The following UBE2E1 variants were observed in gnomAD, a reference collection of about 807,000 sequenced individuals.
UBE2E1 encodes the protein ubiquitin-conjugating enzyme E2 E1.
A neutral mutation model predicts 21.4 loss-of-function variants in UBE2E1; 6 were observed. The ratio of observed to expected loss-of-function variants is 0.28; its 90% CI spans 0.15 to 0.55. The LOEUF (loss-of-function observed/expected upper bound fraction) is 0.55, where lower values mean the gene tolerates loss of function less well. UBE2E1 is among the 20% of genes least tolerant of loss of function. The probability of loss-of-function intolerance (pLI) is 0.93; values close to 1 mark genes in which losing one functional copy is unlikely to be tolerated. For synonymous variants in UBE2E1, 87 were observed against 82.7 expected, an observed-to-expected ratio of 1.05 and a Z score of -0.28; for missense variants, 142 against 236.5, an observed-to-expected ratio of 0.60 and a Z score of 2.62.
Position 23,838,703 on chromosome 3 carries a change from G to T in UBE2E1, c.203+27193G>T, listed in dbSNP as rs1262828061. ...GTAGAAATGGAGTTTCACCATGTTG[G>T]CCAGGCTGTTCGCAAACTCCTGAGC... On this transcript the variant is annotated intron_variant, in intron 3 of 5. Coordinates refer to ENST00000306627, the MANE Select transcript of UBE2E1 (RefSeq NM_003341.5). Among the ~76,000 whole-genome samples, 4 of 151,992 alleles carry T rather than the reference G, an allele frequency of 2.6e-5. No homozygotes were observed. In the East Asian group the frequency reaches 7.7e-4, roughly 29 times the overall value.
At chr3:23,890,338 T>C (rs994905026) in intron 5 of UBE2E1, among the ~76,000 whole-genome samples, 171 bp from the exon 6 acceptor site, 6 of 152,234 alleles carry the variant, frequency 3.9e-5, no homozygotes, top group South Asian at 2.1e-4. Flanking sequence ...CCCAACGTTA[T>C]GTTTTTTTGA....
intron 3 of UBE2E1, among the ~76,000 whole-genome samples, chr3:23,880,762 G>A (rs537667367): frequency 2.4e-4 from 36 of 152,290 alleles, no homozygotes; most frequent in African/African-American, 7.2e-4. Flanking sequence ...AAGAAAACAT[G>A]AATGTTACTT....
In UBE2E1 at chr3:23,870,677, TTTTTA is replaced by T. The variant is rs925884259; in HGVS notation, c.204-16872_204-16868del. Among the ~76,000 whole-genome samples the T allele has an allele frequency of 2.3e-4, 16 of 70,302 alleles. No individual in the cohort carries two copies. The highest frequency in any genetic ancestry group is 1.9e-3 in the Admixed American group (12 of 6,288). The allele number at this position is 70,302 out of a possible 152,430, so 46.1% of individuals were successfully genotyped here. A position where few individuals can be genotyped will look rare whatever the true frequency, so the allele number is the denominator to read the frequency against. On this transcript the variant is annotated intron_variant, in intron 3 of 5. Coordinates refer to ENST00000306627, the MANE Select transcript of UBE2E1 (RefSeq NM_003341.5). This position sits in a 1 kb window ranked among gnomAD's most constrained non-coding sequence, Gnocchi z 4.2. ...CTTCAAGTTCCTATTTAAAATTCTT[TTTTTA>T]TTTTATTTTATTTTATTGATCATTC...
intron 3 of UBE2E1, among the ~76,000 whole-genome samples, chr3:23,834,298 C>A (rs1368314130): frequency 1.3e-5 from 2 of 152,196 alleles, no homozygotes; most frequent in Non-Finnish European, 2.9e-5. Flanking sequence ...GCTTTATTTT[C>A]TCATCTATAA....
In UBE2E1 at chr3:23,887,259, T is replaced by C. The variant is rs550985595; in HGVS notation, c.204-308T>C. ...TTCGCTTCTAGGTGCTGAGATGTGTTTCCCATTTTAAGTATTGTTTACACT... is the reference window on the plus strand; with the variant it reads ...TTCGCTTCTAGGTGCTGAGATGTGTCTCCCATTTTAAGTATTGTTTACACT... On this transcript the variant is annotated intron_variant, in intron 3 of 5. Transcript: ENST00000306627. The surrounding 1 kb of genome is among the most constrained non-coding windows in gnomAD (Gnocchi z 4.4). Among the ~76,000 whole-genome samples, 1 of 152,332 alleles carries C rather than the reference T, an allele frequency of 6.6e-6. No homozygotes were observed. Among genetic ancestry groups the C allele is most frequent in the South Asian group, 2.1e-4 (1 of 4,828 alleles).
rs748643952 is a variant in UBE2E1 at position 23,807,392 on chromosome 3, C to T, written c.123C>T (p.Asn41=). ...KKESKVSMSK[N]SKLLSTSAKR... is the part of the protein sequence containing the mutation. ...AGAGTAAAGTCAGCATGAGCAAAAA[C>T]TCCAAACTCCTCTCCACCAGCGCCA... is the stretch of plus-strand genomic sequence containing the variant. Residue 41 remains asparagine (N), a synonymous_variant, in exon 2 of 6, where the codon AAC becomes AAT. Coordinates refer to ENST00000306627, the MANE Select transcript of UBE2E1 (RefSeq NM_003341.5). The T allele has an allele frequency of 6.2e-7, 1 of 1,613,516 alleles. No individual in the cohort carries two copies. The highest frequency in any genetic ancestry group is 1.3e-5 in the African/African-American group (1 of 74,822).
chr3:23,876,196 C>T lies in UBE2E1; in HGVS notation c.204-11371C>T, dbSNP rs189954827. Among the ~76,000 whole-genome samples, 1 of 152,210 alleles carries T rather than the reference C, an allele frequency of 6.6e-6. No individual in the cohort carries two copies. Among genetic ancestry groups the T allele is most frequent in the Non-Finnish European group, 1.5e-5 (1 of 68,046 alleles). On this transcript the variant is annotated intron_variant, in intron 3 of 5. Coordinates refer to ENST00000306627, the MANE Select transcript of UBE2E1 (RefSeq NM_003341.5). This position sits in a 1 kb window ranked among gnomAD's most constrained non-coding sequence, Gnocchi z 4.3. ...GGTACATTCCTCACAGTACCAGAGCCTCTTCCTTTCCTCTTCCCCTCACCT... is the reference window on the plus strand; with the variant it reads ...GGTACATTCCTCACAGTACCAGAGCTTCTTCCTTTCCTCTTCCCCTCACCT...
At chr3:23,831,128 C>A (rs892097144) in intron 3 of UBE2E1, among the ~76,000 whole-genome samples, 63 of 152,118 alleles carry the variant, frequency 4.1e-4, no homozygotes, top group Non-Finnish European at 7.2e-4. Context: ...TAACAGCAGT[C>A]TAATTAATTC....
chr3:23,806,704 C>A lies in UBE2E1; in HGVS notation c.-33-533C>A, dbSNP rs1699281781. On this transcript the variant is annotated intron_variant, in intron 1 of 5. Transcript: ENST00000306627. The surrounding 1 kb of genome is among the most constrained non-coding windows in gnomAD (Gnocchi z 6.5). ...CCCCGCCGGCCTCTCCCTTCCCCCACCCGGGCACCCGCTCCCCGCCTCCGT... is the reference window on the plus strand; with the variant it reads ...CCCCGCCGGCCTCTCCCTTCCCCCAACCGGGCACCCGCTCCCCGCCTCCGT... The A allele has an allele frequency of 6.6e-6, 1 of 151,508 alleles. No homozygotes were observed. The highest frequency in any genetic ancestry group is 1.5e-5 in the Non-Finnish European group (1 of 67,794). The allele number at this position is 151,508 out of a possible 1,614,324, so 9.4% of individuals were successfully genotyped here. A position where few individuals can be genotyped will look rare whatever the true frequency, so the allele number is the denominator to read the frequency against.
At chr3:23,818,678 T>G (rs1699579142) in intron 3 of UBE2E1, among the ~76,000 whole-genome samples, 1 of 152,202 alleles carries the variant, frequency 6.6e-6, no homozygotes, top group Non-Finnish European at 1.5e-5. Flanking sequence ...GAATCTGAGG[T>G]GGCCTGACGG....
At chr3:23,825,170 TTCAGGCCTGCATGGTTG>T (rs1347781648) in intron 3 of UBE2E1, among the ~76,000 whole-genome samples, 6 of 152,210 alleles carry the variant, frequency 3.9e-5, no homozygotes, top group Admixed American at 1.3e-4. Flanking sequence ...TGCAAGTGTA[TTCAGGCCTGCATGGTTG>T]TCAGTGACTC....
At chr3:23,865,681 CTGTT>C (rs1225740778) in intron 3 of UBE2E1, among the ~76,000 whole-genome samples, 1 of 152,190 alleles carries the variant, frequency 6.6e-6, no homozygotes, top group African/African-American at 2.4e-5. Context: ...GCACCCTTCT[CTGTT>C]TGGGGATAAT....
intron 3 of UBE2E1, among the ~76,000 whole-genome samples, chr3:23,847,452 A>G (rs535902246): frequency 6.6e-6 from 1 of 151,652 alleles, no homozygotes; most frequent in South Asian, 2.1e-4. Context: ...AGTTTTAAAA[A>G]TATATTTCAT....
intron 3 of UBE2E1, among the ~76,000 whole-genome samples, chr3:23,840,793 A>G (rs912194579): frequency 6.6e-6 from 1 of 152,126 alleles, no homozygotes; most frequent in Non-Finnish European, 1.5e-5. Flanking sequence ...GTCTCTGTGC[A>G]GCTCTGGTAC....
At chr3:23,855,612 G>A (rs1287475658) in intron 3 of UBE2E1, among the ~76,000 whole-genome samples, 2 of 152,000 alleles carry the variant, frequency 1.3e-5, no homozygotes, top group Admixed American at 6.6e-5. Flanking sequence ...GGCGGATCAC[G>A]AGGTCAGGAG....
At chr3:23,829,037 G>T (rs1290066406) in intron 3 of UBE2E1, among the ~76,000 whole-genome samples, 1 of 152,078 alleles carries the variant, frequency 6.6e-6, no homozygotes, top group Non-Finnish European at 1.5e-5. Context: ...CTAGAGGGGG[G>T]TGGCAGTTGC....
intron 3 of UBE2E1, among the ~76,000 whole-genome samples, chr3:23,828,497 C>T (rs545548927): frequency 3.9e-5 from 6 of 152,292 alleles, no homozygotes; most frequent in Admixed American, 1.3e-4. Context: ...CAGTGCTAAT[C>T]GAAGCAGTTG....
intron 3 of UBE2E1, chr3:23,879,171 G>A: frequency 1.3e-6 from 1 of 776,850 alleles, no homozygotes; most frequent in Non-Finnish European, 2.1e-6. Context: ...TTAAGTTTTA[G>A]TTTCTTCCAT....
At position 23,888,471 on chromosome 3, in the gene UBE2E1, T is replaced by TAA. The variant is rs746322145; in HGVS notation, c.337-640_337-639dup. ...TTTGGTATATTTCACAAATAAAAAT[T>TAA]AAGAGACCCAAATAACACCAGCTTA... is the stretch of plus-strand genomic sequence containing the variant. On this transcript the variant is annotated intron_variant, in intron 4 of 5. Coordinates refer to ENST00000306627, the MANE Select transcript of UBE2E1 (RefSeq NM_003341.5). Among the ~76,000 whole-genome samples the TAA allele has an allele frequency of 2.0e-5, 3 of 152,350 alleles. No homozygotes were observed. In the South Asian group the frequency reaches 6.2e-4, roughly 32 times the overall value.
Sources: gnomAD v4.1 joint callset for allele counts (sites outside exome capture counted in the v4.1 genomes callset) on GRCh38, gnomAD v4.1.1 for gene constraint, Gnocchi (gnomAD v3.1) non-coding constraint, MANE v1.5 for transcripts, NCBI Gene and HGNC (gene_info 2026-07-23, HGNC 2026-07-21) for gene names.